Variants in CTNNA2 observed in about 807,000 individuals in gnomAD.
The protein encoded by CTNNA2 is catenin alpha-2.
A neutral mutation model predicts 101.0 loss-of-function variants in CTNNA2; 42 were observed. The observed-to-expected ratio is 0.42, with a 90% CI of 0.32 to 0.54. The LOEUF (loss-of-function observed/expected upper bound fraction) is 0.54, where lower values mean the gene tolerates loss of function less well. Among genes scored for constraint, CTNNA2 ranks in the 20% least tolerant of loss-of-function variants. The pLI is 0.14. For missense variants in CTNNA2, 871 were observed against 1,223.1 expected, an observed-to-expected ratio of 0.71 and a Z score of 4.29; for synonymous variants, 450 against 456.4, an observed-to-expected ratio of 0.99 and a Z score of 0.18.
At chr2:79,708,481 A>G (rs1573747281) in intron 2 of CTNNA2, among the ~76,000 whole-genome samples, 2 of 152,176 alleles carry the variant, frequency 1.3e-5, no homozygotes, top group Non-Finnish European at 2.9e-5. Context: ...CTGTTCAGCC[A>G]CTTTAAATGT....
chr2:79,930,793 A>G (rs1687390336), intron 7 of CTNNA2, among the ~76,000 whole-genome samples: 1 of 152,236 alleles, frequency 6.6e-6, no homozygotes, highest in African/African-American at 2.4e-5. Flanking sequence ...GCATCAAATT[A>G]ATATTTTACT....
intron 7 of CTNNA2, among the ~76,000 whole-genome samples, chr2:80,033,972 T>TAAAAAAAAAA (rs70940069): frequency 3.6e-5 from 3 of 84,216 alleles, no homozygotes; most frequent in Middle Eastern, 8.1e-3. Flanking sequence ...GCTTATAATG[T>TAAAAAAAAAA]AAAAAAAAAA....
chr2:80,172,690 G>A (rs557224662), intron 7 of CTNNA2, among the ~76,000 whole-genome samples: 2 of 152,270 alleles, frequency 1.3e-5, no homozygotes, highest in East Asian at 3.9e-4. Context: ...TGTTAGCTGG[G>A]TTGGTTCCAT....
chr2:80,526,720 AAGAT>A lies in CTNNA2; in HGVS notation c.1291-18258_1291-18255del, dbSNP rs958378966. Among the ~76,000 whole-genome samples the A allele has an allele frequency of 1.4e-4, 21 of 152,330 alleles. No homozygotes were observed. In the East Asian group the frequency reaches 1.9e-3, roughly 14 times the overall value. On this transcript the variant is annotated intron_variant, in intron 9 of 18. Transcript: ENST00000402739. ...TGGTGTTCTGAGGATAAAACAAAAA[AAGAT>A]AGAGCTTATAAAAAAGTGTTTGCAC... is the stretch of plus-strand genomic sequence containing the variant.
At chr2:79,455,818 A>G (rs1453387454) in intron 4 of CTNNA2, among the ~76,000 whole-genome samples, 1 of 152,210 alleles carries the variant, frequency 6.6e-6, no homozygotes. Flanking sequence ...ACACTTAGAT[A>G]CTGTGACCTA....
chr2:80,501,257 C>G (rs1480595297), intron 9 of CTNNA2, among the ~76,000 whole-genome samples: 1 of 152,198 alleles, frequency 6.6e-6, no homozygotes, highest in Non-Finnish European at 1.5e-5. Flanking sequence ...AATGCTTTCA[C>G]CATCTCAGAA....
chr2:79,564,167 GAT>G (rs1477725114), intron 1 of CTNNA2, among the ~76,000 whole-genome samples: 1 of 151,672 alleles, frequency 6.6e-6, no homozygotes, highest in Non-Finnish European at 1.5e-5. Context: ...ATGCTGAGCT[GAT>G]ATTGTAAAGA....
intron 3 of CTNNA2, among the ~76,000 whole-genome samples, chr2:79,824,787 C>T (rs977493773): frequency 1.4e-4 from 21 of 152,128 alleles, no homozygotes; most frequent in African/African-American, 5.1e-4. Flanking sequence ...CCTTCTAAAT[C>T]ATCAAAAAAG....
intron 7 of CTNNA2, among the ~76,000 whole-genome samples, chr2:79,942,193 C>G (rs2104460104): frequency 6.6e-6 from 1 of 152,244 alleles, no homozygotes; most frequent in Non-Finnish European, 1.5e-5. Flanking sequence ...TTGCCCAGGA[C>G]CTTGCAGCCA....
chr2:79,371,147 G>GT, intron 3 of CTNNA2, among the ~76,000 whole-genome samples: 1 of 151,896 alleles, frequency 6.6e-6, no homozygotes, highest in East Asian at 1.9e-4. Context: ...GGGGAAGAGG[G>GT]GAGGGGTCTG....
intron 1 of CTNNA2, among the ~76,000 whole-genome samples, chr2:79,636,105 CAAA>C (rs771737673): frequency 3.0e-4 from 40 of 131,158 alleles, no homozygotes; most frequent in African/African-American, 6.4e-4. Flanking sequence ...ACTAAAAATA[CAAA>C]AAAAAAAAAA....
chr2:80,499,149 A>T (rs1486747621), intron 9 of CTNNA2, among the ~76,000 whole-genome samples: 1 of 152,134 alleles, frequency 6.6e-6, no homozygotes, highest in Non-Finnish European at 1.5e-5. Context: ...TTATGTAATG[A>T]TTCCTCTGGC....
chr2:80,333,720 G>A (rs1490200911), intron 7 of CTNNA2, among the ~76,000 whole-genome samples: 3 of 152,146 alleles, frequency 2.0e-5, no homozygotes, highest in Non-Finnish European at 2.9e-5. Flanking sequence ...CTGCCTCCTG[G>A]ATTCAACAAT....
At chr2:79,460,746 G>C (rs1457270965) in intron 4 of CTNNA2, among the ~76,000 whole-genome samples, 1 of 152,044 alleles carries the variant, frequency 6.6e-6, no homozygotes, top group East Asian at 1.9e-4. Context: ...CTTAGACTTA[G>C]ACTCGTCAAC....
At chr2:79,890,713 T>C (rs769378053) in intron 6 of CTNNA2, among the ~76,000 whole-genome samples, 1 of 151,072 alleles carries the variant, frequency 6.6e-6, no homozygotes, top group African/African-American at 2.4e-5. Flanking sequence ...ATATAAAATA[T>C]GTTGTCTCAG....
At chr2:79,838,717 G>A (rs1225892110) in intron 3 of CTNNA2, among the ~76,000 whole-genome samples, 1 of 152,050 alleles carries the variant, frequency 6.6e-6, no homozygotes, top group Admixed American at 6.5e-5. Flanking sequence ...TAAAAGTGTT[G>A]ATTATGATAG....
At chr2:80,558,363 T>C (rs1345186747) in intron 12 of CTNNA2, among the ~76,000 whole-genome samples, 1 of 152,186 alleles carries the variant, frequency 6.6e-6, no homozygotes, top group Non-Finnish European at 1.5e-5. Flanking sequence ...CTGGGGAATG[T>C]GCTTGCATAA....
At chr2:80,336,924 A>G (rs982595199) in intron 7 of CTNNA2, among the ~76,000 whole-genome samples, 19 of 152,330 alleles carry the variant, frequency 1.2e-4, no homozygotes, top group African/African-American at 3.6e-4. Flanking sequence ...CATGAGGGAT[A>G]CAAAACCTTA....
chr2:79,721,025 TTTAAA>T (rs1451162774), intron 2 of CTNNA2, among the ~76,000 whole-genome samples: 1 of 151,536 alleles, frequency 6.6e-6, no homozygotes, highest in Non-Finnish European at 1.5e-5. Flanking sequence ...AAATTTATAC[TTTAAA>T]TTATCATTGG....
Sources: allele counts gnomAD v4.1 joint callset (sites outside exome capture counted in the v4.1 genomes callset), GRCh38; gene constraint gnomAD v4.1.1; transcripts MANE v1.5; gene names NCBI Gene and HGNC (gene_info 2026-07-23, HGNC 2026-07-21).